The following CSMD1 variants were observed in gnomAD, a reference collection of about 807,000 sequenced individuals.
CSMD1 encodes the protein CUB and sushi domain-containing protein 1.
In CSMD1, 213 loss-of-function variants were observed where a neutral mutation model predicts 417.5. That is an observed-to-expected ratio of 0.51 (90% CI 0.46 to 0.57). The LOEUF is 0.57. Among genes scored for constraint, CSMD1 ranks in the 20% least tolerant of loss-of-function variants. The pLI is 0.00. For missense variants in CSMD1, 6,923 were observed against 4,529.7 expected (o/e 1.53, Z -15.17); for synonymous variants, 2,862 against 1,736.8 (o/e 1.65, Z -16.11).
intron 1 of CSMD1, among the ~76,000 whole-genome samples, chr8:4,757,710 T>C (rs1448654912): frequency 1.3e-5 from 2 of 152,050 alleles, no homozygotes; most frequent in African/African-American, 4.8e-5. Flanking sequence ...TGTAATCCTA[T>C]CACTTTGGGA....
intron 12 of CSMD1, among the ~76,000 whole-genome samples, chr8:3,457,682 AAG>A (rs1444442405): frequency 6.6e-6 from 1 of 152,230 alleles, no homozygotes; most frequent in African/African-American, 2.4e-5. Context: ...AATTTTAACA[AAG>A]ACTCTTGTTG....
intron 47 of CSMD1, among the ~76,000 whole-genome samples, chr8:3,093,165 C>T (rs1294372550): frequency 6.6e-6 from 1 of 151,970 alleles, no homozygotes; most frequent in East Asian, 1.9e-4. Flanking sequence ...AGGGAGGGTC[C>T]CTAAAGACAT....
At chr8:4,379,687 C>A (rs1802978821) in intron 3 of CSMD1, among the ~76,000 whole-genome samples, 2 of 56,558 alleles carry the variant, frequency 3.5e-5, no homozygotes, top group East Asian at 8.1e-4. Flanking sequence ...GGGAAGAGGG[C>A]AATGAAGCAA....
chr8:3,374,045 C>T (rs376569334), intron 18 of CSMD1, among the ~76,000 whole-genome samples: 9 of 151,270 alleles, frequency 5.9e-5, no homozygotes, highest in Non-Finnish European at 1.2e-4. Context: ...CTCTGCCTCC[C>T]GGGTTCAAGC....
intron 1 of CSMD1, among the ~76,000 whole-genome samples, chr8:4,689,254 T>C (rs1038063): frequency 0.69 from 105,662 of 152,072 alleles, 37,891 homozygotes; most frequent in African/African-American, 0.87. Context: ...CGTAACAGTA[T>C]GGAAACAAAG....
intron 40 of CSMD1, among the ~76,000 whole-genome samples, chr8:3,146,585 T>C (rs1239887595): frequency 2.0e-5 from 3 of 152,174 alleles, no homozygotes; most frequent in Non-Finnish European, 2.9e-5. Context: ...GAGCCTAAAA[T>C]TGTGAGCAAC....
intron 2 of CSMD1, among the ~76,000 whole-genome samples, chr8:4,588,854 A>G (rs1297584270): frequency 2.0e-5 from 3 of 151,912 alleles, no homozygotes; most frequent in African/African-American, 7.3e-5. Flanking sequence ...CTGCTGCTCA[A>G]GCTTCCACTG....
intron 1 of CSMD1, among the ~76,000 whole-genome samples, chr8:4,827,106 G>T (rs1485019260): frequency 1.3e-5 from 2 of 152,100 alleles, no homozygotes; most frequent in Non-Finnish European, 2.9e-5. Context: ...CTTGTCCTCA[G>T]GTGTGAAGCA....
At chr8:4,021,326 G>A (rs897026181) in intron 4 of CSMD1, among the ~76,000 whole-genome samples, 4 of 152,166 alleles carry the variant, frequency 2.6e-5, no homozygotes, top group African/African-American at 7.2e-5. Context: ...CATTATTAAA[G>A]TTTATTTCAC....
At chr8:3,843,246 G>C (rs1182763412) in intron 5 of CSMD1, among the ~76,000 whole-genome samples, 2 of 152,040 alleles carry the variant, frequency 1.3e-5, no homozygotes, top group Non-Finnish European at 2.9e-5. Context: ...ATCATCTGCT[G>C]ATAAACTACT....
intron 3 of CSMD1, among the ~76,000 whole-genome samples, chr8:4,354,369 C>G (rs1026921654): frequency 2.0e-5 from 3 of 152,110 alleles, no homozygotes; most frequent in East Asian, 1.9e-4. Flanking sequence ...TATTCACAAA[C>G]CTGGTCATTT....
intron 1 of CSMD1, among the ~76,000 whole-genome samples, chr8:4,809,195 A>G (rs1032976298): frequency 6.6e-6 from 1 of 152,226 alleles, no homozygotes; most frequent in Non-Finnish European, 1.5e-5. Flanking sequence ...TATCATCTGA[A>G]TTCACTGATA....
intron 5 of CSMD1, among the ~76,000 whole-genome samples, chr8:3,875,689 G>C (rs922850943): frequency 6.6e-6 from 1 of 152,176 alleles, no homozygotes; most frequent in Non-Finnish European, 1.5e-5. Context: ...TCTGGCTGAG[G>C]TCTAGGGAGG....
intron 7 of CSMD1, among the ~76,000 whole-genome samples, chr8:3,646,893 G>C (rs1797602452): frequency 6.6e-6 from 1 of 152,092 alleles, no homozygotes; most frequent in South Asian, 2.1e-4. Context: ...CTCTAGTTTT[G>C]ATGAGTAGGC....
At chr8:3,845,584 C>T (rs141285564) in intron 5 of CSMD1, among the ~76,000 whole-genome samples, 179 of 152,246 alleles carry the variant, frequency 1.2e-3, no homozygotes, top group African/African-American at 3.7e-3. Flanking sequence ...AGGCCTAGGA[C>T]ATCTCAGTAC....
chr8:3,171,082 T>G (rs1253666335), intron 37 of CSMD1, among the ~76,000 whole-genome samples: 1 of 152,238 alleles, frequency 6.6e-6, no homozygotes, highest in African/African-American at 2.4e-5. Flanking sequence ...ACTTGAAATT[T>G]ATGATTATAG....
intron 3 of CSMD1, among the ~76,000 whole-genome samples, chr8:4,142,726 G>A (rs931809992): frequency 2.6e-5 from 4 of 151,058 alleles, no homozygotes; most frequent in Non-Finnish European, 5.9e-5. Flanking sequence ...GGCCAGACCT[G>A]ACACAACGTG....
intron 22 of CSMD1, among the ~76,000 whole-genome samples, chr8:3,344,141 C>T (rs749809875): frequency 7.2e-5 from 11 of 152,076 alleles, no homozygotes; most frequent in South Asian, 2.1e-4. Context: ...TTTGACCAGC[C>T]GGGAGAGGGA....
At chr8:3,682,715 T>C (rs995633829) in intron 7 of CSMD1, among the ~76,000 whole-genome samples, 1 of 152,178 alleles carries the variant, frequency 6.6e-6, no homozygotes, top group Non-Finnish European at 1.5e-5. Flanking sequence ...AGATTAAAAA[T>C]CATGCTGTTA....
Sources: allele counts gnomAD v4.1 joint callset (sites outside exome capture counted in the v4.1 genomes callset), GRCh38; gene constraint gnomAD v4.1.1; transcripts MANE v1.5; gene names NCBI Gene and HGNC (gene_info 2026-07-23, HGNC 2026-07-21).